PTPRM: variants seen among roughly 807,000 people sequenced by gnomAD.
The protein encoded by PTPRM is protein tyrosine phosphatase receptor type M.
A neutral mutation model predicts 186.7 loss-of-function variants in PTPRM; 47 were observed. That is an observed-to-expected ratio of 0.25 (90% CI 0.20 to 0.32). PTPRM has a LOEUF of 0.32. Among genes scored for constraint, PTPRM ranks in the 10% least tolerant of loss-of-function variants. The pLI is 1.00. For synonymous variants in PTPRM, 668 were observed against 674.9 expected, an observed-to-expected ratio of 0.99 and a Z score of 0.16; for missense variants, 1,494 against 1,865.0, an observed-to-expected ratio of 0.80 and a Z score of 3.66.
chr18:7,651,940 G>C (rs2038716272), intron 1 of PTPRM, among the ~76,000 whole-genome samples: 1 of 151,940 alleles, frequency 6.6e-6, no homozygotes, highest in African/African-American at 2.4e-5. Context: ...CACAGCAAAA[G>C]AAACTACCAT....
chr18:8,183,971 C>T lies in PTPRM; in HGVS notation c.2300+40192C>T, dbSNP rs113604784. ...GGTCTGTGAAGGATGACTTAGACTT[C>T]TGTGTTCTATCCCTGTCTTTATGCT... On this transcript the variant is annotated intron_variant, in intron 14 of 32. Transcript: ENST00000580170. Among the ~76,000 whole-genome samples the T allele has an allele frequency of 2.8e-3, 420 of 152,256 alleles. 2 individuals are homozygous for T. Among genetic ancestry groups the T allele is most frequent in the African/African-American group, 9.2e-3 (383 of 41,546 alleles).
In PTPRM at chr18:8,319,196, C is replaced by A; in HGVS notation, c.2938C>A (p.His980Asn). ...TTTTTAGGGTTATCATCGACCCAAT[C>A]ATTACATTGCTACCCAAGGTAAGTT... ...NYIDGYHRPN[H>N]YIATQGPMQE... Residue 980 changes from histidine (H) to asparagine (N), a missense_variant, in exon 22 of 33, where the codon CAT becomes AAT. Physicochemically the swap from His to Asn is moderately conservative, Grantham distance 68 (BLOSUM62 1). Coordinates refer to ENST00000580170, the MANE Select transcript of PTPRM (RefSeq NM_001105244.2). The A allele has an allele frequency of 6.4e-7, 1 of 1,558,012 alleles. No individual in the cohort carries two copies. Among genetic ancestry groups the A allele is most frequent in the Non-Finnish European group, 8.8e-7 (1 of 1,133,280 alleles).
chr18:8,284,698 C>G (rs1212831624), intron 19 of PTPRM, among the ~76,000 whole-genome samples: 1 of 152,068 alleles, frequency 6.6e-6, no homozygotes, highest in Non-Finnish European at 1.5e-5. Context: ...CAGTGAGTTA[C>G]GATTGCACCA....
At chr18:8,205,463 T>C (rs1361448529) in intron 14 of PTPRM, among the ~76,000 whole-genome samples, 2 of 151,294 alleles carry the variant, frequency 1.3e-5, no homozygotes, top group African/African-American at 2.5e-5. Context: ...TTGGGTTTGC[T>C]TTCTTTATTT....
intron 20 of PTPRM, among the ~76,000 whole-genome samples, chr18:8,299,467 A>G (rs139282286): frequency 0.03 from 4,566 of 151,858 alleles, 220 homozygotes; most frequent in South Asian, 0.099. Flanking sequence ...TGTGCCTGTA[A>G]TCCCAGCTAC....
chr18:7,809,013 C>A (rs2044373670), intron 2 of PTPRM, among the ~76,000 whole-genome samples: 1 of 152,142 alleles, frequency 6.6e-6, no homozygotes, highest in Non-Finnish European at 1.5e-5. Context: ...AAGTCAGACG[C>A]CCTGGGAGGT....
intron 20 of PTPRM, among the ~76,000 whole-genome samples, 191 bp downstream of exon 20, chr18:8,296,646 C>T (rs1224466834): frequency 1.3e-5 from 2 of 152,112 alleles, no homozygotes; most frequent in Non-Finnish European, 2.9e-5. Context: ...GTACTGTTGT[C>T]GTGGGCCCTG....
chr18:7,658,419 G>T (rs960519446), intron 1 of PTPRM, among the ~76,000 whole-genome samples: 1 of 149,980 alleles, frequency 6.7e-6, no homozygotes. Context: ...GTAGCAGAAT[G>T]GTCGGTCACT....
At chr18:7,866,163 G>GT (rs199580469) in intron 2 of PTPRM, among the ~76,000 whole-genome samples, 3,080 of 152,066 alleles carry the variant, frequency 0.02, 93 homozygotes, top group African/African-American at 0.071. Context: ...TTTTTTGAAG[G>GT]TTTTTTCTTG....
Position 7,973,104 on chromosome 18 carries a change from G to A in PTPRM, c.1132+17690G>A, listed in dbSNP as rs188690729. On this transcript the variant is annotated intron_variant, in intron 7 of 32. Coordinates refer to ENST00000580170, the MANE Select transcript of PTPRM (RefSeq NM_001105244.2). ...CTTATTAGCAGCTGTTTATTCTTTT[G>A]TAATATGGATGACCTAATTTATTTA... 4.8e-4 allele frequency among the ~76,000 whole-genome samples: 73 copies of A among 152,040 alleles called. 1 individual carries two copies. Among genetic ancestry groups the A allele is most frequent in the Middle Eastern group, 3.4e-3 (1 of 294 alleles).
chr18:7,927,327 G>A (rs1343905287), intron 5 of PTPRM, among the ~76,000 whole-genome samples: 1 of 152,112 alleles, frequency 6.6e-6, no homozygotes, highest in Non-Finnish European at 1.5e-5. Context: ...ACTTCTTTAA[G>A]CTCTAGGTTT....
At chr18:7,786,346 G>A (rs1019080035) in intron 2 of PTPRM, among the ~76,000 whole-genome samples, 1 of 152,120 alleles carries the variant, frequency 6.6e-6, no homozygotes, top group African/African-American at 2.4e-5. Flanking sequence ...CTTTTAGAGA[G>A]GGTGTCACTG....
intron 1 of PTPRM, among the ~76,000 whole-genome samples, chr18:7,628,277 T>G (rs1243873547): frequency 6.6e-6 from 1 of 152,166 alleles, no homozygotes; most frequent in Non-Finnish European, 1.5e-5. Context: ...TTTTTCACAT[T>G]AATATCAAAG....
chr18:8,191,058 GTT>G (rs1283112179), intron 14 of PTPRM, among the ~76,000 whole-genome samples: 1 of 152,212 alleles, frequency 6.6e-6, no homozygotes, highest in East Asian at 1.9e-4. Flanking sequence ...CTAAAAAGGA[GTT>G]ACCAGGAAGA....
chr18:8,249,227 G>A (rs1319255451), intron 17 of PTPRM, among the ~76,000 whole-genome samples: 1 of 152,024 alleles, frequency 6.6e-6, no homozygotes, highest in South Asian at 2.1e-4. Flanking sequence ...TTTTCTCTAA[G>A]TTGTTACGAT....
intron 11 of PTPRM, among the ~76,000 whole-genome samples, chr18:8,099,655 G>C (rs1381686684): frequency 1.3e-5 from 2 of 152,196 alleles, no homozygotes; most frequent in African/African-American, 4.8e-5. Context: ...AATGGAGCAG[G>C]CTGTGCTCAG....
At chr18:8,042,352 C>T (rs182901346) in intron 7 of PTPRM, among the ~76,000 whole-genome samples, 6 of 151,888 alleles carry the variant, frequency 4.0e-5, no homozygotes, top group Admixed American at 2.0e-4. Context: ...TTAAGTAAAA[C>T]GTATTGTAAA....
intron 32 of PTPRM, among the ~76,000 whole-genome samples, chr18:8,402,016 A>G (rs2095874928): frequency 6.6e-6 from 1 of 152,168 alleles, no homozygotes; most frequent in Non-Finnish European, 1.5e-5. Context: ...TGTCACCCAA[A>G]TTGGAGCACT....
intron 11 of PTPRM, among the ~76,000 whole-genome samples, chr18:8,103,123 C>G (rs1446147568): frequency 6.6e-6 from 1 of 152,138 alleles, no homozygotes; most frequent in Non-Finnish European, 1.5e-5. Flanking sequence ...CTTTGTTGTT[C>G]CATTTGTAGA....
Sources: gnomAD v4.1 joint callset for allele counts (sites outside exome capture counted in the v4.1 genomes callset) on GRCh38, gnomAD v4.1.1 for gene constraint, MANE v1.5 for transcripts, NCBI Gene and HGNC (gene_info 2026-07-23, HGNC 2026-07-21) for gene names.